Variants in ZMYM5 observed in about 807,000 individuals in gnomAD.
ZMYM5 encodes the protein zinc finger MYM-type containing 5, also known as zinc finger MYM-type protein 5.
Under a neutral mutation model 61.8 loss-of-function variants are expected in ZMYM5, and 41 were observed. The observed-to-expected ratio is 0.66, with a 90% CI of 0.52 to 0.86. ZMYM5 has a LOEUF of 0.86. ZMYM5 is among the 40% of genes least tolerant of loss of function. The pLI, the probability that ZMYM5 is intolerant of heterozygous loss-of-function variation, is 0.00. For synonymous variants in ZMYM5, 257 were observed against 276.4 expected (o/e 0.93, Z 0.70); for missense variants, 706 against 786.7 (o/e 0.90, Z 1.23).
intron 4 of ZMYM5, among the ~76,000 whole-genome samples, chr13:19,849,396 T>C (rs1361109002): frequency 1.3e-5 from 2 of 152,282 alleles, no homozygotes; most frequent in African/African-American, 4.8e-5. Context: ...AGCGATGACA[T>C]TACAGGGGTG....
Position 19,824,900 on chromosome 13 carries a change from C to T in ZMYM5, c.1587G>A (p.Leu529=), listed in dbSNP as rs557353605. 3 of 1,357,994 alleles carry T rather than the reference C, an allele frequency of 2.2e-6. No homozygotes were observed. The South Asian group carries it at 3.5e-5, about 16-fold the overall frequency. The allele number at this position is 1,357,994 out of a possible 1,614,324, so 84.1% of individuals were successfully genotyped here. Residue 529 remains leucine (L), a synonymous_variant, in exon 8 of 8, where the codon TTG becomes TTA. Transcript: ENST00000337963. The part of the protein sequence containing the change: ...SADPGTWPRI[L]NIKQRDTLVE... The stretch of plus-strand genomic sequence containing the variant: ...CAAGAGTGTCCCGTTGTTTAATATT[C>T]AAAATTCGGGGCCACGTACCTGGAT...
At chr13:19,830,230 TTTC>T (rs774723225) in intron 7 of ZMYM5, among the ~76,000 whole-genome samples, 3 of 152,230 alleles carry the variant, frequency 2.0e-5, no homozygotes, top group South Asian at 4.1e-4. Flanking sequence ...TTTCAGTTTT[TTTC>T]TTATGTGTTG....
intron 7 of ZMYM5, among the ~76,000 whole-genome samples, chr13:19,833,985 C>CT (rs1301587466): frequency 1.3e-5 from 2 of 151,912 alleles, no homozygotes; most frequent in Non-Finnish European, 2.9e-5. Flanking sequence ...TTTCCTTTTT[C>CT]TTTTTTTTGA....
At chr13:19,840,175 T>G (rs1282397421) in intron 4 of ZMYM5, among the ~76,000 whole-genome samples, 2 of 152,216 alleles carry the variant, frequency 1.3e-5, no homozygotes, top group Non-Finnish European at 2.9e-5. Context: ...AGGTGGCTCA[T>G]GCCTATAATC....
chr13:19,828,884 G>A (rs971305290), intron 7 of ZMYM5, among the ~76,000 whole-genome samples: 4 of 152,210 alleles, frequency 2.6e-5, no homozygotes, highest in Admixed American at 6.5e-5. Context: ...AACACAATGA[G>A]TTTGACTTTC....
chr13:19,828,186 G>A (rs1322370329), intron 7 of ZMYM5, among the ~76,000 whole-genome samples: 1 of 151,044 alleles, frequency 6.6e-6, no homozygotes, highest in Non-Finnish European at 1.5e-5. Context: ...AAAATGCAGA[G>A]GTGTGGGCCA....
At chr13:19,828,880 A>G (rs1316457565) in intron 7 of ZMYM5, among the ~76,000 whole-genome samples, 1 of 152,174 alleles carries the variant, frequency 6.6e-6, no homozygotes, top group East Asian at 1.9e-4. Context: ...TTTCAACACA[A>G]TGAGTTTGAC....
chr13:19,835,363 G>T, intron 7 of ZMYM5, 114 bp downstream of exon 7: 1 of 773,048 alleles, frequency 1.3e-6, no homozygotes, highest in Non-Finnish European at 1.8e-6. Flanking sequence ...ACAAACCAAT[G>T]ACAGAATGGC....
At chr13:19,839,466 G>A (rs1029024797) in intron 4 of ZMYM5, among the ~76,000 whole-genome samples, 20 of 151,498 alleles carry the variant, frequency 1.3e-4, no homozygotes, top group Non-Finnish European at 2.6e-4. Context: ...TCGGTTCACT[G>A]CTACCTCTGC....
intron 7 of ZMYM5, among the ~76,000 whole-genome samples, chr13:19,825,493 A>G (rs1337110512): frequency 1.3e-5 from 2 of 151,962 alleles, no homozygotes; most frequent in Non-Finnish European, 2.9e-5. Context: ...TAAAAATACA[A>G]AAATTAGCCG....
chr13:19,843,846 A>G (rs559956977), intron 4 of ZMYM5, among the ~76,000 whole-genome samples: 131 of 150,240 alleles, frequency 8.7e-4, no homozygotes, highest in South Asian at 1.7e-3. Flanking sequence ...AAAAAAAAAA[A>G]AAAGGGGGCC....
chr13:19,850,681 G>A (rs1953253381), intron 4 of ZMYM5, among the ~76,000 whole-genome samples: 1 of 151,824 alleles, frequency 6.6e-6, no homozygotes, highest in Admixed American at 6.6e-5. Flanking sequence ...AGCAAAAATT[G>A]AAATTTTAAA....
intron 4 of ZMYM5, chr13:19,842,121 ATTTT>A (rs1444497379): frequency 1.3e-5 from 2 of 152,018 alleles, no homozygotes; most frequent in African/African-American, 4.8e-5. Context: ...GGCCAATCCT[ATTTT>A]CATAAAACGG....
Position 19,824,553 on chromosome 13 carries a change from T to C in ZMYM5, c.1934A>G (p.Asn645Ser). 2 of 1,296,228 alleles carry C rather than the reference T, an allele frequency of 1.5e-6. No individual in the cohort carries two copies. The highest frequency in any genetic ancestry group is 1.5e-5 in the African/African-American group (1 of 66,172). The allele number at this position is 1,296,228 out of a possible 1,614,324, so 80.3% of individuals were successfully genotyped here. A position where few individuals can be genotyped will look rare whatever the true frequency, so the allele number is the denominator to read the frequency against. Residue 645 changes from asparagine (N) to serine (S), a missense_variant, in exon 8 of 8, where the codon AAT (asparagine) becomes AGT (serine). Coordinates refer to ENST00000337963, the MANE Select transcript of ZMYM5 (RefSeq NM_001142684.2). ...GTGTTCTGCAGCATCAATAGCTTTA[T>C]TTTTTTTCAGATCAGATTTTAATTT... is the stretch of plus-strand genomic sequence containing the variant. ...YSKLKSDLKK[N>S]KAIDAAEHRL...
intron 7 of ZMYM5, among the ~76,000 whole-genome samples, chr13:19,834,994 CTTTT>C (rs71070250): frequency 7.1e-6 from 1 of 140,614 alleles, no homozygotes; most frequent in Admixed American, 7.2e-5. Context: ...CATTTTCTTT[CTTTT>C]TTTTTTTTTT....
intron 2 of ZMYM5, among the ~76,000 whole-genome samples, chr13:19,855,232 T>C (rs935602390): frequency 1.1e-4 from 16 of 151,940 alleles, no homozygotes; most frequent in African/African-American, 3.1e-4. Flanking sequence ...GAAAATAATT[T>C]CTGGAAAAGA....
chr13:19,854,348 G>A (rs1287219221), intron 2 of ZMYM5, among the ~76,000 whole-genome samples: 1 of 152,118 alleles, frequency 6.6e-6, no homozygotes, highest in Non-Finnish European at 1.5e-5. Flanking sequence ...TTCCCTGCTG[G>A]GCGTGGTGGC....
Position 19,824,990 on chromosome 13 carries a change from T to C in ZMYM5, c.1497A>G (p.Thr499=). Residue 499 remains threonine, a synonymous_variant, in exon 8 of 8, where the codon ACA becomes ACG. Transcript: ENST00000337963. ...PPSSTSTIAD[T]FQEQLEEKNF... is the part of the protein sequence containing the mutation. The stretch of plus-strand genomic sequence containing the variant: ...TTTTCTCTTCCAGTTGCTCTTGAAA[T>C]GTATCAGCTATGGTTGACGTGGAAG... 7.3e-7 allele frequency: 1 copy of C among 1,367,346 alleles called. No individual in the cohort carries two copies. The highest frequency in any genetic ancestry group is 9.8e-7 in the Non-Finnish European group (1 of 1,021,720). The allele number at this position is 1,367,346 out of a possible 1,614,324, so 84.7% of individuals were successfully genotyped here.
At chr13:19,857,100 C>T (rs1028942096) in intron 2 of ZMYM5, among the ~76,000 whole-genome samples, 12 of 152,170 alleles carry the variant, frequency 7.9e-5, no homozygotes, top group East Asian at 3.8e-4. Flanking sequence ...AGCGAGACTC[C>T]GTCTCAAAAC....
Sources: gnomAD v4.1 joint callset for allele counts (sites outside exome capture counted in the v4.1 genomes callset) on GRCh38, gnomAD v4.1.1 for gene constraint, MANE v1.5 for transcripts, NCBI Gene and HGNC (gene_info 2026-07-23, HGNC 2026-07-21) for gene names.